Variants in ZNF454 observed in about 807,000 individuals in gnomAD.
ZNF454 encodes the protein zinc finger protein 454.
Under a neutral mutation model 48.2 loss-of-function variants are expected in ZNF454, and 30 were observed. The observed-to-expected ratio is 0.62, with a 90% confidence interval of 0.47 to 0.84. The LOEUF is 0.84. ZNF454 is among the 40% of genes least tolerant of loss of function. The pLI is 0.00. For missense variants in ZNF454, 510 were observed against 623.1 expected, an observed-to-expected ratio of 0.82 and a Z score of 1.93; for synonymous variants, 204 against 211.4, an observed-to-expected ratio of 0.97 and a Z score of 0.30.
At position 178,941,480 on chromosome 5, in the gene ZNF454, G is replaced by C. The variant is rs763011848; in HGVS notation, c.-108+36G>C. 7 of 456,718 alleles carry C rather than the reference G, an allele frequency of 1.5e-5. No individual in the cohort carries two copies. Among genetic ancestry groups the C allele is most frequent in the Non-Finnish European group, 3.1e-5 (7 of 226,964 alleles). The allele number at this position is 456,718 out of a possible 1,614,324, so 28.3% of individuals were successfully genotyped here. A position where few individuals can be genotyped will look rare whatever the true frequency, so the allele number is the denominator to read the frequency against. On this transcript the variant is annotated intron_variant, in intron 1 of 4. Coordinates refer to ENST00000519564, the MANE Select transcript of ZNF454 (RefSeq NM_001178089.3). This position sits in a 1 kb window ranked among gnomAD's most constrained non-coding sequence, Gnocchi z 5.5. ...GATTTGATCCCAGAGAGGGAGGACG[G>C]CCAGGGGTGGTCATCCTGGGCTGAG... is the stretch of plus-strand genomic sequence containing the variant.
chr5:178,947,945 C>T (rs1009529581), intron 4 of ZNF454, among the ~76,000 whole-genome samples: 3 of 152,096 alleles, frequency 2.0e-5, no homozygotes, highest in Non-Finnish European at 2.9e-5. Context: ...GACGGAGCCT[C>T]GCTGTGTCAC....
At chr5:178,984,307 C>T in the ZNF454 span, among the ~76,000 whole-genome samples, 4 of 151,876 alleles carry the variant, frequency 2.6e-5, no homozygotes, top group East Asian at 1.9e-4. Flanking sequence ...TCACTCGGAA[C>T]GGACTCCTGC....
the ZNF454 span, chr5:178,986,366 C>G: frequency 2.5e-6 from 4 of 1,613,958 alleles, no homozygotes; most frequent in Non-Finnish European, 3.4e-6. Context: ...AGGAAGATGC[C>G]GGTGAGGAGG....
intron 4 of ZNF454, among the ~76,000 whole-genome samples, chr5:178,948,949 C>G (rs1290183110): frequency 1.3e-5 from 2 of 150,246 alleles, no homozygotes; most frequent in Non-Finnish European, 2.9e-5. Flanking sequence ...GTTACCCAGG[C>G]TGGAGTGCAG....
chr5:178,957,567 G>A (rs1027742549), intron 4 of ZNF454, among the ~76,000 whole-genome samples: 7 of 151,782 alleles, frequency 4.6e-5, no homozygotes, highest in African/African-American at 1.2e-4. Flanking sequence ...CTGCCACCAC[G>A]TCCAGCTAAT....
the ZNF454 span, among the ~76,000 whole-genome samples, chr5:178,973,276 G>C: frequency 1.3e-5 from 2 of 152,062 alleles, no homozygotes; most frequent in Non-Finnish European, 2.9e-5. Flanking sequence ...AATGGAAGAA[G>C]CTATTGTCTG....
At chr5:178,958,687 T>C (rs1561704115) in intron 4 of ZNF454, among the ~76,000 whole-genome samples, 2 of 152,226 alleles carry the variant, frequency 1.3e-5, no homozygotes, top group Non-Finnish European at 2.9e-5. Flanking sequence ...TAATTTATAC[T>C]CCTACCGGCG....
rs1759344739 is a variant in ZNF454 at position 178,946,503 on chromosome 5, A to G, written c.160+18A>G. On this transcript the variant is annotated intron_variant, in intron 3 of 4. Coordinates refer to ENST00000519564, the MANE Select transcript of ZNF454 (RefSeq NM_001178089.3). This position sits in a 1 kb window ranked among gnomAD's most constrained non-coding sequence, Gnocchi z 4.5. ...CTCACTGGGTAAGTGGGACCCCTGC[A>G]AGGTTTCTCTTCACTTTTGGGGATC... The G allele has an allele frequency of 1.3e-6, 2 of 1,579,230 alleles. No individual in the cohort carries two copies. The highest frequency in any genetic ancestry group is 1.4e-5 in the African/African-American group (1 of 72,790).
At chr5:178,945,937 T>C (rs1348213110) in intron 2 of ZNF454, among the ~76,000 whole-genome samples, 1 of 152,010 alleles carries the variant, frequency 6.6e-6, no homozygotes, top group Non-Finnish European at 1.5e-5. Flanking sequence ...TGGGCCCTCA[T>C]AGGCAACTGT....
chr5:178,985,652 G>C, the ZNF454 span: 3 of 388,484 alleles, frequency 7.7e-6, no homozygotes, highest in South Asian at 5.7e-5. Flanking sequence ...GCAGGGAGCT[G>C]AGATAGTGCC....
At chr5:178,947,198 C>T (rs896091121) in intron 4 of ZNF454, among the ~76,000 whole-genome samples, 2 of 152,206 alleles carry the variant, frequency 1.3e-5, no homozygotes, top group African/African-American at 2.4e-5. Context: ...AATGATTTTT[C>T]TTCTCTCCCT....
intron 4 of ZNF454, among the ~76,000 whole-genome samples, chr5:178,952,518 A>G (rs761744633): frequency 6.6e-5 from 10 of 152,166 alleles, no homozygotes; most frequent in Admixed American, 1.3e-4. Flanking sequence ...TCTATAGCCT[A>G]CCGTGTCTCT....
At position 178,944,542 on chromosome 5, in the gene ZNF454, T is replaced by C. The variant is rs1353171352; in HGVS notation, c.33+1718T>C. Among the ~76,000 whole-genome samples the C allele has an allele frequency of 6.6e-6, 1 of 152,200 alleles. No homozygotes were observed. Among genetic ancestry groups the C allele is most frequent in the Non-Finnish European group, 1.5e-5 (1 of 68,030 alleles). ...TTGGTTCATGGCTTCCATCCAAGTG[T>C]TTCTTGACTGCCTGTCATGGGCCAA... On this transcript the variant is annotated intron_variant, in intron 2 of 4. Coordinates refer to ENST00000519564, the MANE Select transcript of ZNF454 (RefSeq NM_001178089.3). The surrounding 1 kb of genome is among the most constrained non-coding windows in gnomAD (Gnocchi z 4.1).
Position 178,965,988 on chromosome 5 carries a change from G to T in ZNF454, c.*15G>T. 2 of 1,531,062 alleles carry T rather than the reference G, an allele frequency of 1.3e-6. No individual in the cohort carries two copies. The highest frequency in any genetic ancestry group is 1.8e-6 in the Non-Finnish European group (2 of 1,137,732). The allele number at this position is 1,531,062 out of a possible 1,614,324, so 94.8% of individuals were successfully genotyped here. On this transcript the variant is annotated 3_prime_UTR_variant, in exon 5 of 5. Transcript: ENST00000519564. This position sits in a 1 kb window ranked among gnomAD's most constrained non-coding sequence, Gnocchi z 5.2. The stretch of plus-strand genomic sequence containing the variant: ...GAGAGAAGTGATATGAATGCAGTTT[G>T]TATGGAAGACCTTTGAGACTGAGTA...
chr5:178,961,901 C>A (rs535009637), intron 4 of ZNF454, among the ~76,000 whole-genome samples: 4 of 151,402 alleles, frequency 2.6e-5, no homozygotes, highest in Non-Finnish European at 5.9e-5. Context: ...TATTTGCAAT[C>A]CATTAAGACA....
the ZNF454 span, among the ~76,000 whole-genome samples, chr5:178,973,775 G>A: frequency 8.6e-5 from 13 of 150,898 alleles, no homozygotes; most frequent in Admixed American, 6.6e-4. Context: ...CCCAGGAGGC[G>A]GAGCTTGCAG....
the ZNF454 span, chr5:178,983,424 G>A: frequency 2.8e-4 from 194 of 701,746 alleles, no homozygotes; most frequent in East Asian, 3.3e-3. Context: ...AGAGGGGTCC[G>A]TCCAAAGGCC....
rs557073467 is a variant in ZNF454, at chr5:178,953,365, T to A, written c.250+6379T>A. On this transcript the variant is annotated intron_variant, in intron 4 of 4. Coordinates refer to ENST00000519564, the MANE Select transcript of ZNF454 (RefSeq NM_001178089.3). ...CAATGTATTCCTAGAATTCATTGGT[T>A]CTTAGTTTAGTTTATATTGATCATT... 7.9e-5 allele frequency among the ~76,000 whole-genome samples: 12 copies of A among 152,262 alleles called. No individual in the cohort carries two copies. The East Asian group carries it at 1.7e-3, about 22-fold the overall frequency.
chr5:178,958,149 C>A (rs2113249834), intron 4 of ZNF454, among the ~76,000 whole-genome samples: 1 of 152,136 alleles, frequency 6.6e-6, no homozygotes, highest in East Asian at 1.9e-4. Context: ...ACTAAAAGTA[C>A]ATAGATCATA....
Sources: allele counts gnomAD v4.1 joint callset (sites outside exome capture counted in the v4.1 genomes callset), GRCh38; gene constraint gnomAD v4.1.1; non-coding constraint Gnocchi (gnomAD v3.1); transcripts MANE v1.5; gene names NCBI Gene and HGNC (gene_info 2026-07-23, HGNC 2026-07-21).